The following KCNT2 variants were observed in gnomAD, a reference collection of about 807,000 sequenced individuals.
KCNT2 encodes potassium sodium-activated channel subfamily T member 2.
A neutral mutation model predicts 153.8 loss-of-function variants in KCNT2; 67 were observed. That is an observed-to-expected ratio of 0.44 (90% CI 0.36 to 0.53). The LOEUF is 0.53. KCNT2 is among the 20% of genes least tolerant of loss of function. The probability of loss-of-function intolerance (pLI) is 0.00; values close to 1 mark genes in which losing one functional copy is unlikely to be tolerated. For synonymous variants in KCNT2, 500 were observed against 458.8 expected (o/e 1.09, Z -1.15); for missense variants, 975 against 1,354.8 (o/e 0.72, Z 4.40).
intron 8 of KCNT2, among the ~76,000 whole-genome samples, chr1:196,454,187 A>G (rs1329038827): frequency 1.3e-5 from 2 of 151,914 alleles, no homozygotes; most frequent in East Asian, 3.9e-4. Flanking sequence ...AGATACAACG[A>G]TTGTTGCAAA....
intron 1 of KCNT2, among the ~76,000 whole-genome samples, chr1:196,518,807 C>A (rs1652954714): frequency 6.6e-6 from 1 of 152,004 alleles, no homozygotes; most frequent in African/African-American, 2.4e-5. Context: ...ACAAAGAAAC[C>A]TACAAAGAAA....
chr1:196,319,624 A>G, intron 19 of KCNT2, 69 bp from the exon 20 acceptor site: 1 of 999,742 alleles, frequency 1.0e-6, no homozygotes, highest in Non-Finnish European at 1.5e-6. Context: ...AGGGAAAGGA[A>G]GTAAGTTGAC....
chr1:196,330,990 T>C (rs1264210341), intron 18 of KCNT2, among the ~76,000 whole-genome samples, 166 bp downstream of exon 18: 1 of 151,950 alleles, frequency 6.6e-6, no homozygotes, highest in Admixed American at 6.6e-5. Flanking sequence ...TTTGTGCAGT[T>C]AAAAATGTAA....
intron 1 of KCNT2, among the ~76,000 whole-genome samples, chr1:196,493,428 C>T (rs1372692580): frequency 6.6e-6 from 1 of 151,716 alleles, no homozygotes; most frequent in Non-Finnish European, 1.5e-5. Flanking sequence ...TACAAAGCTG[C>T]TCATGCATTT....
chr1:196,386,469 C>T (rs887769380), intron 13 of KCNT2, among the ~76,000 whole-genome samples: 1 of 152,094 alleles, frequency 6.6e-6, no homozygotes, highest in Non-Finnish European at 1.5e-5. Context: ...GGAAGCACTA[C>T]ATGTGTTGAC....
chr1:196,309,326 T>A (rs1385699281), intron 21 of KCNT2, among the ~76,000 whole-genome samples: 1 of 151,996 alleles, frequency 6.6e-6, no homozygotes, highest in Non-Finnish European at 1.5e-5. Flanking sequence ...CCTGGATTCT[T>A]TGGTTTATTA....
intron 26 of KCNT2, among the ~76,000 whole-genome samples, chr1:196,248,197 A>T (rs1447404407): frequency 6.6e-6 from 1 of 152,098 alleles, no homozygotes; most frequent in African/African-American, 2.4e-5. Flanking sequence ...TCAGAAAAAT[A>T]GAAAAACTTC....
At chr1:196,468,073 T>G (rs1457493757) in intron 6 of KCNT2, among the ~76,000 whole-genome samples, 1 of 152,104 alleles carries the variant, frequency 6.6e-6, no homozygotes, top group African/African-American at 2.4e-5. Context: ...TTTAGTGTGA[T>G]GGTTTGTAAT....
In KCNT2 at chr1:196,489,701, C is replaced by T. The variant is rs77509738; in HGVS notation, c.275+137G>A. On this transcript the variant is annotated intron_variant, in intron 3 of 27. Transcript: ENST00000294725. ...CAAGAATTATGTAGTGCCTGTAAAT[C>T]GATCAATTTTATTTGTGACAAACAC... 7.2e-4 allele frequency: 398 copies of T among 554,754 alleles called. 3 individuals are homozygous for T. In the East Asian group the frequency reaches 8.9e-3, roughly 12 times the overall value. The allele number at this position is 554,754 out of a possible 1,614,324, so 34.4% of individuals were successfully genotyped here.
chr1:196,298,962 T>G (rs770774828), intron 22 of KCNT2, among the ~76,000 whole-genome samples: 1 of 151,732 alleles, frequency 6.6e-6, no homozygotes, highest in Non-Finnish European at 1.5e-5. Flanking sequence ...GCTTCTTACA[T>G]CAGGTGTAAT....
rs1440122635 is a variant in KCNT2, at chr1:196,258,428, G to T, written c.2977C>A (p.Arg993Ser). The change falls in exon 26 of 28, where the codon CGC becomes AGC. Residue 993 changes from arginine to serine, a missense_variant. Physicochemically the swap from Arg to Ser is moderately radical, Grantham distance 110. Around this residue, in one of 6 missense-constraint regions of KCNT2, gnomAD observed 241 missense variants for 271.1 expected, o/e 0.89. Coordinates refer to ENST00000294725, the MANE Select transcript of KCNT2 (RefSeq NM_198503.5). The part of the protein sequence containing the change: ...TKDSKEQGHH[R>S]SNHRNSTSSD... ...GATGTTGAGTTGCGGTGGTTGCTGC[G>T]GTGGTGCCCTTGTTCTTTGGAGTCT... 1 of 1,613,842 alleles carries T rather than the reference G, an allele frequency of 6.2e-7. No homozygotes were observed. Among genetic ancestry groups the T allele is most frequent in the Non-Finnish European group, 8.5e-7 (1 of 1,179,974 alleles).
At chr1:196,242,919 G>A (rs909053994) in intron 26 of KCNT2, among the ~76,000 whole-genome samples, 2 of 152,026 alleles carry the variant, frequency 1.3e-5, no homozygotes, top group Admixed American at 6.6e-5. Context: ...TCATAGGTAC[G>A]TTGGGTAAAA....
In KCNT2 at chr1:196,228,196, A is replaced by G. The variant is rs1042262644; in HGVS notation, c.*28T>C. On this transcript the variant is annotated 3_prime_UTR_variant, in exon 28 of 28. Transcript: ENST00000294725. ...TTGTGGTTTCAAGCAAGGTCTTTGT[A>G]GGAAAAAAGTTTCTCATTTTATTTT... 7.2e-7 allele frequency: 1 copy of G among 1,393,446 alleles called. No homozygotes were observed. 86.3% of individuals were successfully genotyped at this position (1,393,446 alleles called of 1,614,324 possible).
intron 14 of KCNT2, among the ~76,000 whole-genome samples, chr1:196,345,987 AACAG>A (rs1447672740): frequency 6.6e-6 from 1 of 152,172 alleles, no homozygotes; most frequent in Non-Finnish European, 1.5e-5. Context: ...GGAGATGTCA[AACAG>A]ACATAGTGTA....
chr1:196,531,079 A>G (rs1654875184), intron 1 of KCNT2, among the ~76,000 whole-genome samples: 1 of 152,108 alleles, frequency 6.6e-6, no homozygotes. Flanking sequence ...GAGATGAACA[A>G]CCATGTCCTC....
At chr1:196,375,856 C>T (rs555150014) in intron 13 of KCNT2, among the ~76,000 whole-genome samples, 22 of 151,844 alleles carry the variant, frequency 1.4e-4, no homozygotes, top group African/African-American at 5.3e-4. Context: ...ATTCAGTACT[C>T]TTTTCATTAA....
chr1:196,316,151 G>A, intron 20 of KCNT2, 125 bp from the exon 21 acceptor site: 2 of 567,284 alleles, frequency 3.5e-6, no homozygotes, highest in Non-Finnish European at 5.9e-6. Context: ...TTTACAGAGT[G>A]TGCACAGGTA....
chr1:196,587,373 G>A (rs1662812091), intron 1 of KCNT2, among the ~76,000 whole-genome samples: 1 of 151,984 alleles, frequency 6.6e-6, no homozygotes, highest in Admixed American at 6.6e-5. Context: ...CTAAACGCTG[G>A]AAGAGGGACC....
intron 22 of KCNT2, among the ~76,000 whole-genome samples, chr1:196,287,689 TTAAAG>T (rs1409213933): frequency 2.0e-5 from 3 of 152,088 alleles, no homozygotes; most frequent in African/African-American, 7.2e-5. Context: ...CATTTGTGCA[TTAAAG>T]TAGTCACTTA....
Sources: gnomAD v4.1 joint callset for allele counts (sites outside exome capture counted in the v4.1 genomes callset) on GRCh38, gnomAD v4.1.1 for gene constraint, gnomAD v4.1.1 regional missense constraint, MANE v1.5 for transcripts, NCBI Gene and HGNC (gene_info 2026-07-23, HGNC 2026-07-21) for gene names.